Variants in KLHL29 observed in about 807,000 individuals in gnomAD.
KLHL29 encodes kelch like family member 29.
KLHL29 carries 21 observed loss-of-function variants against 80.4 expected under a neutral mutation model. The ratio of observed to expected loss-of-function variants is 0.26; its 90% confidence interval spans 0.19 to 0.38. The LOEUF (loss-of-function observed/expected upper bound fraction) is 0.38, where lower values mean the gene tolerates loss of function less well. Ranked by LOEUF, KLHL29 falls within the 10% of genes least tolerant of loss-of-function variation. The pLI, the probability that KLHL29 is intolerant of heterozygous loss-of-function variation, is 1.00. For synonymous variants in KLHL29, 511 were observed against 526.8 expected, an observed-to-expected ratio of 0.97 and a Z score of 0.41; for missense variants, 867 against 1,223.9, an observed-to-expected ratio of 0.71 and a Z score of 4.35.
intron 2 of KLHL29, among the ~76,000 whole-genome samples, chr2:23,479,732 C>T (rs776568766): frequency 2.6e-5 from 4 of 152,152 alleles, no homozygotes; most frequent in South Asian, 2.1e-4. Flanking sequence ...GCCTTGTACT[C>T]GTACTGTCTC....
Position 23,423,278 on chromosome 2 carries a change from A to T in KLHL29, c.-154+37498A>T, listed in dbSNP as rs1014254622. 2.6e-5 allele frequency among the ~76,000 whole-genome samples: 4 copies of T among 152,180 alleles called. No individual in the cohort carries two copies. In the East Asian group the frequency reaches 5.8e-4, roughly 22 times the overall value. On this transcript the variant is annotated intron_variant, in intron 1 of 13. Coordinates refer to ENST00000486442, the MANE Select transcript of KLHL29 (RefSeq NM_052920.2). Reference sequence around the variant, plus strand: ...TGCAGGGCAATTCTGGGGCCACCAGAGGCGTCTGCTGCGTGGTCAGCCTGG... The same window carrying T: ...TGCAGGGCAATTCTGGGGCCACCAGTGGCGTCTGCTGCGTGGTCAGCCTGG...
chr2:23,643,001 A>T (rs1366207562), intron 5 of KLHL29, 151 bp downstream of exon 5: 1 of 925,762 alleles, frequency 1.1e-6, no homozygotes, highest in East Asian at 2.6e-5. Flanking sequence ...CCACCTGCCC[A>T]AGACAACTGG....
At chr2:23,527,294 G>A (rs887378557) in intron 2 of KLHL29, among the ~76,000 whole-genome samples, 7 of 152,130 alleles carry the variant, frequency 4.6e-5, no homozygotes, top group Non-Finnish European at 1.0e-4. Flanking sequence ...GAGCCAGCAC[G>A]TGCTTGCCCC....
intron 1 of KLHL29, among the ~76,000 whole-genome samples, chr2:23,432,948 G>A (rs941581513): frequency 1.3e-5 from 2 of 152,232 alleles, no homozygotes; most frequent in African/African-American, 4.8e-5. Flanking sequence ...GGAGACAGGG[G>A]TTGCGAGTGG....
At chr2:23,607,751 G>A (rs1439254451) in intron 3 of KLHL29, among the ~76,000 whole-genome samples, 2 of 152,160 alleles carry the variant, frequency 1.3e-5, no homozygotes, top group Non-Finnish European at 1.5e-5. Context: ...TAGGTTGCAT[G>A]CTCCTTATGA....
chr2:23,634,309 C>T (rs1446200950), intron 3 of KLHL29, among the ~76,000 whole-genome samples: 4 of 152,162 alleles, frequency 2.6e-5, no homozygotes, highest in Non-Finnish European at 5.9e-5. Context: ...CCAGGAAAGG[C>T]CCATGTGCAC....
intron 1 of KLHL29, among the ~76,000 whole-genome samples, chr2:23,450,318 G>C (rs915062762): frequency 6.6e-6 from 1 of 152,206 alleles, no homozygotes; most frequent in Non-Finnish European, 1.5e-5. Flanking sequence ...ATGGGATCAT[G>C]TGAAGGGTCA....
rs969746271 is a variant in KLHL29 at position 23,576,796 on chromosome 2, C to T, written c.285+14315C>T. On this transcript the variant is annotated intron_variant, in intron 3 of 13. Transcript: ENST00000486442. ...CCAAGTCCAGATATTCTGTGTCCCT[C>T]GCCTCCAGTCGCTGGAACTCTGGTG... Among the ~76,000 whole-genome samples, 9 of 152,348 alleles carry T rather than the reference C, an allele frequency of 5.9e-5. No homozygotes were observed. In the South Asian group the frequency reaches 1.0e-3, roughly 18 times the overall value.
At position 23,696,799 on chromosome 2, in the gene KLHL29, A is replaced by C. The variant is rs1377894321; in HGVS notation, c.2105+286A>C. The C allele has an allele frequency of 2.9e-6, 1 of 341,214 alleles. No homozygotes were observed. The highest frequency in any genetic ancestry group is 2.2e-5 in the African/African-American group (1 of 46,080). 21.1% of individuals were successfully genotyped at this position (341,214 alleles called of 1,614,324 possible). ...AGGTGTCAGACAAGCTGGAGGCCCAAGATCCAGTTGCAGAAGGCCTGGGAT... is the reference window on the plus strand; with the variant it reads ...AGGTGTCAGACAAGCTGGAGGCCCACGATCCAGTTGCAGAAGGCCTGGGAT... On this transcript the variant is annotated intron_variant, in intron 11 of 13. Transcript: ENST00000486442. This position sits in a 1 kb window ranked among gnomAD's most constrained non-coding sequence, Gnocchi z 5.5.
intron 2 of KLHL29, among the ~76,000 whole-genome samples, chr2:23,549,394 C>T (rs1667065178): frequency 1.3e-5 from 2 of 152,234 alleles, no homozygotes; most frequent in South Asian, 2.1e-4. Flanking sequence ...GAGGCTGCCT[C>T]GTTTGCATGC....
rs1021140879 is a variant in KLHL29 at position 23,669,610 on chromosome 2, C to T, written c.941-14789C>T. The T allele has an allele frequency of 1.8e-4, 28 of 152,324 alleles. No homozygotes were observed. Among genetic ancestry groups the T allele is most frequent in the African/African-American group, 6.5e-4 (27 of 41,560 alleles). 9.4% of individuals were successfully genotyped at this position (152,324 alleles called of 1,614,324 possible). A position where few individuals can be genotyped will look rare whatever the true frequency, so the allele number is the denominator to read the frequency against. On this transcript the variant is annotated intron_variant, in intron 5 of 13. Transcript: ENST00000486442. This position sits in a 1 kb window ranked among gnomAD's most constrained non-coding sequence, Gnocchi z 4.3. ...TACCCCGTGAGCAGCACCCGTGGCC[C>T]GTGCTGGACACAGCCTGTTGGGGAG...
intron 1 of KLHL29, among the ~76,000 whole-genome samples, chr2:23,436,454 C>T (rs181680571): frequency 2.2e-4 from 33 of 152,194 alleles, no homozygotes; most frequent in African/African-American, 7.7e-4. Flanking sequence ...GCCACAGACA[C>T]CGCCTGGAAG....
chr2:23,568,677 G>A (rs1667645961), intron 3 of KLHL29, among the ~76,000 whole-genome samples: 3 of 152,174 alleles, frequency 2.0e-5, no homozygotes, highest in Admixed American at 2.0e-4. Flanking sequence ...TTCAAGGAGT[G>A]GGCAAAGAGA....
intron 3 of KLHL29, among the ~76,000 whole-genome samples, chr2:23,633,878 C>T (rs757158784): frequency 2.6e-5 from 4 of 151,926 alleles, no homozygotes; most frequent in African/African-American, 7.3e-5. Flanking sequence ...ATGTCCTCAG[C>T]GTTCATTTCT....
At chr2:23,554,731 TC>T (rs1667240377) in intron 2 of KLHL29, among the ~76,000 whole-genome samples, 1 of 152,132 alleles carries the variant, frequency 6.6e-6, no homozygotes, top group Non-Finnish European at 1.5e-5. Context: ...TGGACACTGT[TC>T]CCTCTGCTCC....
chr2:23,465,738 T>A (rs970344115), intron 1 of KLHL29, among the ~76,000 whole-genome samples: 3 of 152,172 alleles, frequency 2.0e-5, no homozygotes, highest in Admixed American at 6.5e-5. Flanking sequence ...CCCTCTGAAT[T>A]TCTTCACGTT....
intron 2 of KLHL29, among the ~76,000 whole-genome samples, chr2:23,518,031 T>G (rs551754977): frequency 6.6e-6 from 1 of 152,290 alleles, no homozygotes; most frequent in Non-Finnish European, 1.5e-5. Flanking sequence ...CTATGAAGAT[T>G]AAATGAGATA....
At chr2:23,463,399 A>C (rs1380147680) in intron 1 of KLHL29, among the ~76,000 whole-genome samples, 1 of 152,202 alleles carries the variant, frequency 6.6e-6, no homozygotes, top group Admixed American at 6.5e-5. Flanking sequence ...AGAATCTATC[A>C]GTGGATATAT....
chr2:23,618,615 G>T, intron 3 of KLHL29, among the ~76,000 whole-genome samples: 1 of 152,204 alleles, frequency 6.6e-6, no homozygotes, highest in South Asian at 2.1e-4. Context: ...ACCAGTTCCC[G>T]CTCCTGGGTC....
Sources: gnomAD v4.1 joint callset for allele counts (sites outside exome capture counted in the v4.1 genomes callset) on GRCh38, gnomAD v4.1.1 for gene constraint, Gnocchi (gnomAD v3.1) non-coding constraint, MANE v1.5 for transcripts, NCBI Gene and HGNC (gene_info 2026-07-23, HGNC 2026-07-21) for gene names.